The following EMC8 variants were observed in gnomAD, a reference collection of about 807,000 sequenced individuals.
EMC8 encodes COX4 neighbor.
Under a neutral mutation model 24.3 loss-of-function variants are expected in EMC8, and 11 were observed. The observed-to-expected ratio is 0.45, with a 90% confidence interval of 0.28 to 0.75. EMC8 has a LOEUF of 0.75. EMC8 is among the 30% of genes least tolerant of loss of function. The pLI is 0.12. For synonymous variants in EMC8, 145 were observed against 117.7 expected, an observed-to-expected ratio of 1.23 and a Z score of -1.50; for missense variants, 277 against 282.7, an observed-to-expected ratio of 0.98 and a Z score of 0.14.
intron 4 of EMC8, 42 bp downstream of exon 4, chr16:85,780,337 C>T (rs996199784): frequency 6.6e-7 from 1 of 1,503,798 alleles, no homozygotes. Flanking sequence ...TGGCCGGGCG[C>T]TGAAGGAGCC....
intron 1 of EMC8, among the ~76,000 whole-genome samples, chr16:85,789,806 A>G (rs1904922442): frequency 6.6e-6 from 1 of 151,340 alleles, no homozygotes; most frequent in Non-Finnish European, 1.5e-5. Context: ...CTCAAAAAAA[A>G]AAAAAAAAGT....
intron 2 of EMC8, chr16:85,784,831 C>T (rs1478599768): frequency 6.6e-6 from 1 of 152,180 alleles, no homozygotes; most frequent in Non-Finnish European, 1.5e-5. Flanking sequence ...AGCCCTTACC[C>T]TCCTACTTAA....
At chr16:85,790,697 C>G (rs1478047147) in intron 1 of EMC8, among the ~76,000 whole-genome samples, 1 of 152,158 alleles carries the variant, frequency 6.6e-6, no homozygotes, top group African/African-American at 2.4e-5. Context: ...CCTAAGGTGA[C>G]CCACATCTCT....
chr16:85,784,433 T>C (rs957262204), intron 2 of EMC8: 22 of 152,254 alleles, frequency 1.4e-4, no homozygotes, highest in Non-Finnish European at 3.2e-4. Context: ...AACAAATTAT[T>C]TTATATGATT....
intron 2 of EMC8, among the ~76,000 whole-genome samples, chr16:85,788,344 C>G (rs930876123): frequency 6.6e-5 from 10 of 152,250 alleles, no homozygotes; most frequent in African/African-American, 2.4e-4. Flanking sequence ...ACCCCCTGTG[C>G]GTTATCTACG....
At chr16:85,790,701 C>T (rs1425294600) in intron 1 of EMC8, among the ~76,000 whole-genome samples, 2 of 152,202 alleles carry the variant, frequency 1.3e-5, no homozygotes, top group South Asian at 2.1e-4. Context: ...AGGTGACCCA[C>T]ATCTCTGCCC....
chr16:85,786,398 C>T (rs1305198839), intron 2 of EMC8, among the ~76,000 whole-genome samples: 8 of 152,234 alleles, frequency 5.3e-5, no homozygotes, highest in Non-Finnish European at 1.2e-4. Flanking sequence ...ATGATCCTAG[C>T]TCCTGAGCTC....
chr16:85,799,306 G>C lies in EMC8; in HGVS notation c.-11C>G. 6.4e-7 allele frequency: 1 copy of C among 1,569,380 alleles called. No homozygotes were observed. The highest frequency in any genetic ancestry group is 8.6e-7 in the Non-Finnish European group (1 of 1,157,108). On this transcript the variant is annotated 5_prime_UTR_variant, in exon 1 of 5. Coordinates refer to ENST00000253457, the MANE Select transcript of EMC8 (RefSeq NM_006067.5). This position sits in a 1 kb window ranked among gnomAD's most constrained non-coding sequence, Gnocchi z 4.2. ...TTTCACCCCGGGCATGCTGACCCGGGAGGGCCCCGGAGGCCCCTGGGCGCG... is the reference window on the plus strand; with the variant it reads ...TTTCACCCCGGGCATGCTGACCCGGCAGGGCCCCGGAGGCCCCTGGGCGCG...
chr16:85,785,300 T>G (rs377325346), intron 2 of EMC8, among the ~76,000 whole-genome samples: 1 of 152,166 alleles, frequency 6.6e-6, no homozygotes, highest in African/African-American at 2.4e-5. Context: ...CCGGGTGTGG[T>G]GGCTCATGCC....
intron 1 of EMC8, among the ~76,000 whole-genome samples, chr16:85,796,686 CCACT>C (rs1905253924): frequency 6.6e-6 from 1 of 152,200 alleles, no homozygotes; most frequent in African/African-American, 2.4e-5. Flanking sequence ...CCTCTCCCGC[CCACT>C]ATTTTCTCCT....
intron 2 of EMC8, 188 bp from the exon 3 acceptor site, chr16:85,781,468 C>T (rs301167): frequency 1 from 559,932 of 560,560 alleles, 279,655 homozygotes; most frequent in Middle Eastern, 1. Flanking sequence ...TCTTGCTCTG[C>T]TGCCCTAGCT....
At chr16:85,781,614 C>CTT (rs10673082) in intron 2 of EMC8, 75,105 of 129,648 alleles carry the variant, frequency 0.58, 23,146 homozygotes, top group Non-Finnish European at 0.66. Flanking sequence ...TTTTTTTTTG[C>CTT]TTTTTTTTTT....
At chr16:85,780,560 C>T (rs533571055) in intron 3 of EMC8, 87 bp from the exon 4 acceptor site, 148 of 892,692 alleles carry the variant, frequency 1.7e-4, no homozygotes, top group Non-Finnish European at 2.2e-4. Context: ...TCCCTGCAGC[C>T]GTGCCCACGC....
At chr16:85,781,131 A>C in intron 3 of EMC8, 80 bp downstream of exon 3, 1 of 1,006,612 alleles carries the variant, frequency 9.9e-7, no homozygotes, top group Non-Finnish European at 1.6e-6. Flanking sequence ...GTTAGCGGAA[A>C]GGAAACCGCC....
intron 1 of EMC8, among the ~76,000 whole-genome samples, chr16:85,797,389 C>G (rs868819181): frequency 6.6e-6 from 1 of 152,202 alleles, no homozygotes; most frequent in Middle Eastern, 3.4e-3. Context: ...GGCTGGGTGA[C>G]AAGAGCGAAA....
chr16:85,795,946 T>C (rs1169531734), intron 1 of EMC8, among the ~76,000 whole-genome samples: 6 of 152,128 alleles, frequency 3.9e-5, no homozygotes, highest in South Asian at 2.1e-4. Flanking sequence ...GGGAAACTCC[T>C]ATACATCCGG....
At chr16:85,791,066 A>C (rs1904987697) in intron 1 of EMC8, among the ~76,000 whole-genome samples, 1 of 152,026 alleles carries the variant, frequency 6.6e-6, no homozygotes, top group Admixed American at 6.5e-5. Context: ...GGGTTCAAGC[A>C]ATCCTCCTGC....
Position 85,799,053 on chromosome 16 carries a change from T to C in EMC8, c.231+12A>G. On this transcript the variant is annotated intron_variant, in intron 1 of 4. Transcript: ENST00000253457. The surrounding 1 kb of genome is among the most constrained non-coding windows in gnomAD (Gnocchi z 4.2). The stretch of plus-strand genomic sequence containing the variant: ...GCTGCCTGCAAGGGGAAGGGGCCCT[T>C]TCCGCGCTTACCAGGGTGAGAGCCA... 1 of 1,524,330 alleles carries C rather than the reference T, an allele frequency of 6.6e-7. No homozygotes were observed. The highest frequency in any genetic ancestry group is 2.0e-5 in the Admixed American group (1 of 50,506). 94.4% of individuals were successfully genotyped at this position (1,524,330 alleles called of 1,614,324 possible).
intron 1 of EMC8, among the ~76,000 whole-genome samples, chr16:85,790,306 C>T (rs1448351355): frequency 6.6e-6 from 1 of 152,156 alleles, no homozygotes; most frequent in African/African-American, 2.4e-5. Flanking sequence ...AGGGTCCCTG[C>T]CTTGCACAGG....
Sources: allele counts gnomAD v4.1 joint callset (sites outside exome capture counted in the v4.1 genomes callset), GRCh38; gene constraint gnomAD v4.1.1; non-coding constraint Gnocchi (gnomAD v3.1); transcripts MANE v1.5; gene names NCBI Gene and HGNC (gene_info 2026-07-23, HGNC 2026-07-21).